Variants in POP1 observed in about 807,000 individuals in gnomAD.
POP1 encodes the protein ribonucleases P/MRP protein subunit POP1.
In POP1, 75 loss-of-function variants were observed where a neutral mutation model predicts 102.2. The observed-to-expected ratio is 0.73, with a 90% confidence interval of 0.61 to 0.89. The LOEUF (loss-of-function observed/expected upper bound fraction) is 0.89, where lower values mean the gene tolerates loss of function less well. Among genes scored for constraint, POP1 ranks in the 40% least tolerant of loss-of-function variants. The pLI, the probability that POP1 is intolerant of heterozygous loss-of-function variation, is 0.00. For missense variants in POP1, 1,116 were observed against 1,267.4 expected (o/e 0.88, Z 1.81); for synonymous variants, 436 against 464.1 (o/e 0.94, Z 0.78).
rs141161667 is a variant in POP1, at chr8:98,127,673, A to G, written c.221A>G (p.Gln74Arg). 1,194 of 1,614,168 alleles carry G rather than the reference A, an allele frequency of 7.4e-4. 6 individuals are homozygous for G. The African/African-American group carries it at 0.015, about 20-fold the overall frequency. ...CTGCCTGACCCTGAAGTGAATGAGC[A>G]GTCTTCCTCCAAAGGGATGTTTAGA... The part of the protein sequence containing the change: ...HSLPDPEVNE[Q>R]SSSKGMFRKK... The change falls in exon 3 of 16, where the codon CAG (glutamine) becomes CGG (arginine). Residue 74 changes from glutamine to arginine, a missense_variant. Transcript: ENST00000401707.
intron 7 of POP1, among the ~76,000 whole-genome samples, chr8:98,135,533 G>A (rs1816509830): frequency 6.6e-6 from 1 of 151,980 alleles, no homozygotes; most frequent in African/African-American, 2.4e-5. Flanking sequence ...AAAAAATGTA[G>A]TCAGAGTGAT....
At chr8:98,122,052 C>T (rs1816044521) in intron 1 of POP1, among the ~76,000 whole-genome samples, 1 of 152,126 alleles carries the variant, frequency 6.6e-6, no homozygotes. Flanking sequence ...TGGTCTCGGA[C>T]TCCTGACCTC....
intron 4 of POP1, among the ~76,000 whole-genome samples, chr8:98,129,172 T>C (rs896451181): frequency 1.3e-5 from 2 of 152,204 alleles, no homozygotes; most frequent in African/African-American, 2.4e-5. Context: ...TCTGTGTTTC[T>C]AGGGTGTGCC....
intron 11 of POP1, among the ~76,000 whole-genome samples, chr8:98,143,350 T>C (rs988073038): frequency 1.3e-5 from 2 of 152,202 alleles, no homozygotes; most frequent in Non-Finnish European, 2.9e-5. Context: ...TTGTTGTAAA[T>C]AGACTTTATT....
At chr8:98,141,560 A>AT (rs879262710) in intron 11 of POP1, among the ~76,000 whole-genome samples, 65 of 146,048 alleles carry the variant, frequency 4.5e-4, no homozygotes, top group South Asian at 3.7e-3. Flanking sequence ...CGACTTCAGA[A>AT]TTTTTTTTTT....
At chr8:98,117,458 T>C (rs930952179) in intron 1 of POP1, 68 bp downstream of exon 1, 1 of 271,088 alleles carries the variant, frequency 3.7e-6, no homozygotes, top group Non-Finnish European at 7.2e-6. Flanking sequence ...GCGGCCCCCC[T>C]CCCGGCGCCC....
At chr8:98,148,732 TC>T (rs756158349) in intron 12 of POP1, 82 bp from the exon 13 acceptor site, 32 of 1,224,820 alleles carry the variant, frequency 2.6e-5, no homozygotes, top group African/African-American at 6.1e-5. Context: ...CATTTAATTT[TC>T]TAAAGCTGCT....
chr8:98,153,372 G>A (rs1354627186), intron 14 of POP1, among the ~76,000 whole-genome samples: 1 of 152,114 alleles, frequency 6.6e-6, no homozygotes, highest in African/African-American at 2.4e-5. Context: ...CCTTGGACAA[G>A]GAAGAAGGGG....
intron 9 of POP1, 129 bp from the exon 10 acceptor site, chr8:98,139,949 G>A: frequency 1.3e-6 from 1 of 763,596 alleles, no homozygotes; most frequent in Non-Finnish European, 2.3e-6. Flanking sequence ...CAACTTCCCT[G>A]GTTCATCCCA....
chr8:98,133,885 G>T (rs1476013080), intron 5 of POP1, 64 bp from the exon 6 acceptor site: 1 of 1,218,204 alleles, frequency 8.2e-7, no homozygotes, highest in African/African-American at 1.5e-5. Context: ...ACGGCTTTTG[G>T]CTTCTTAGCA....
intron 11 of POP1, among the ~76,000 whole-genome samples, chr8:98,142,653 G>A (rs554938958): frequency 3.9e-4 from 59 of 152,274 alleles, no homozygotes; most frequent in Admixed American, 7.8e-4. Flanking sequence ...ATCTGTGAGA[G>A]ATCAATTTCC....
At chr8:98,143,074 T>C (rs1816749740) in intron 11 of POP1, among the ~76,000 whole-genome samples, 1 of 152,240 alleles carries the variant, frequency 6.6e-6, no homozygotes, top group Admixed American at 6.5e-5. Flanking sequence ...TTTAAATACA[T>C]TTAAGAAAGG....
chr8:98,158,780 A>G lies in POP1; in HGVS notation c.*509A>G, dbSNP rs1809728198. 6.5e-6 allele frequency: 1 copy of G among 154,474 alleles called. No individual in the cohort carries two copies. Among genetic ancestry groups the G allele is most frequent in the Non-Finnish European group, 1.4e-5 (1 of 69,692 alleles). 9.6% of individuals were successfully genotyped at this position (154,474 alleles called of 1,614,324 possible). On this transcript the variant is annotated 3_prime_UTR_variant, in exon 16 of 16. Coordinates refer to ENST00000401707, the MANE Select transcript of POP1 (RefSeq NM_001145860.2). ...TCCATGCCGAACAACTCAAGCCTTA[A>G]AGAGAGAAATCATGGACAACTGATT...
Position 98,136,633 on chromosome 8 carries a change from A to T in POP1, c.1163A>T (p.Asp388Val), listed in dbSNP as rs764090267. 2 of 1,614,042 alleles carry T rather than the reference A, an allele frequency of 1.2e-6. No homozygotes were observed. The highest frequency in any genetic ancestry group is 2.2e-5 in the South Asian group (2 of 91,076). ...EKIGKKRKRK[D>V]DGENAKPIKK... ...ATTGGCAAGAAAAGAAAAAGGAAAG[A>T]TGATGGAGAAAATGCTAAACCAATT... is the stretch of plus-strand genomic sequence containing the variant. The change falls in exon 8 of 16, where the codon GAT becomes GTT. Residue 388 changes from aspartate (D) to valine (V), a missense_variant. Coordinates refer to ENST00000401707, the MANE Select transcript of POP1 (RefSeq NM_001145860.2).
intron 9 of POP1, among the ~76,000 whole-genome samples, chr8:98,137,336 C>G (rs114621778): frequency 6.6e-6 from 1 of 151,460 alleles, no homozygotes; most frequent in African/African-American, 2.4e-5. Context: ...TGAGTCTCAT[C>G]CTGTTGCCCA....
intron 14 of POP1, among the ~76,000 whole-genome samples, chr8:98,153,531 C>CCT (rs1430760385): frequency 1.2e-5 from 1 of 81,236 alleles, no homozygotes; most frequent in Non-Finnish European, 2.2e-5. Context: ...ACAGTTCTGA[C>CCT]TCTTTTTTTT....
chr8:98,146,499 C>A (rs1816846102), intron 11 of POP1, 69 bp from the exon 12 acceptor site: 1 of 1,108,248 alleles, frequency 9.0e-7, no homozygotes, highest in Non-Finnish European at 1.4e-6. Flanking sequence ...AGGCCTATTG[C>A]CAATGTTTGG....
rs976896723 is a variant in POP1, at chr8:98,134,046, T to C, written c.823+10T>C. On this transcript the variant is annotated intron_variant, in intron 6 of 15. Transcript: ENST00000401707. Reference sequence around the variant, plus strand: ...TGTAACATAGACACAGGTAAACTTGTTTTAAAGCTGAGTTCTATTTTAGTC... The same window carrying C: ...TGTAACATAGACACAGGTAAACTTGCTTTAAAGCTGAGTTCTATTTTAGTC... The C allele has an allele frequency of 6.3e-7, 1 of 1,577,798 alleles. No homozygotes were observed. Among genetic ancestry groups the C allele is most frequent in the Non-Finnish European group, 8.7e-7 (1 of 1,147,116 alleles).
chr8:98,156,535 G>A (rs1809653524), intron 15 of POP1, 123 bp downstream of exon 15: 4 of 1,250,032 alleles, frequency 3.2e-6, no homozygotes, highest in Non-Finnish European at 4.5e-6. Context: ...AGGCTTTCTG[G>A]AAGGGAAAGC....
Sources: gnomAD v4.1 joint callset for allele counts (sites outside exome capture counted in the v4.1 genomes callset) on GRCh38, gnomAD v4.1.1 for gene constraint, MANE v1.5 for transcripts, NCBI Gene and HGNC (gene_info 2026-07-23, HGNC 2026-07-21) for gene names.